The following GRIA2 variants were observed in gnomAD, a reference collection of about 807,000 sequenced individuals.
GRIA2 encodes the protein glutamate ionotropic receptor AMPA type subunit 2.
Under a neutral mutation model 97.3 loss-of-function variants are expected in GRIA2, and 14 were observed. The ratio of observed to expected loss-of-function variants is 0.14; its 90% CI spans 0.10 to 0.23. The LOEUF is 0.23. Among genes scored for constraint, GRIA2 ranks in the 10% least tolerant of loss-of-function variants. The pLI, the probability that GRIA2 is intolerant of heterozygous loss-of-function variation, is 1.00. For synonymous variants in GRIA2, 412 were observed against 387.8 expected, an observed-to-expected ratio of 1.06 and a Z score of -0.73; for missense variants, 558 against 1,069.8, an observed-to-expected ratio of 0.52 and a Z score of 6.67.
chr4:157,316,316 A>T (rs1320882043), intron 4 of GRIA2, among the ~76,000 whole-genome samples: 3 of 152,152 alleles, frequency 2.0e-5, no homozygotes, highest in Admixed American at 2.0e-4. Flanking sequence ...CAATTTAGTC[A>T]TGTTACATAA....
At chr4:157,235,917 A>T (rs2126704561) in intron 2 of GRIA2, among the ~76,000 whole-genome samples, 1 of 152,118 alleles carries the variant, frequency 6.6e-6, no homozygotes, top group Non-Finnish European at 1.5e-5. Flanking sequence ...GTTTTACAAA[A>T]TACTTTAAAA....
At chr4:157,313,587 G>A (rs965120989) in intron 4 of GRIA2, among the ~76,000 whole-genome samples, 1 of 151,960 alleles carries the variant, frequency 6.6e-6, no homozygotes, top group African/African-American at 2.4e-5. Flanking sequence ...TAATAATACA[G>A]GTAAAATCCA....
chr4:157,241,731 A>G (rs1399771883), intron 2 of GRIA2, among the ~76,000 whole-genome samples: 3 of 152,056 alleles, frequency 2.0e-5, no homozygotes, highest in Non-Finnish European at 4.4e-5. Flanking sequence ...GCTTACCCTC[A>G]TATTTGCTTT....
At chr4:157,243,477 A>G (rs139590752) in intron 2 of GRIA2, among the ~76,000 whole-genome samples, 8 of 152,250 alleles carry the variant, frequency 5.3e-5, no homozygotes, top group African/African-American at 1.2e-4. Flanking sequence ...ATTCTCCCCA[A>G]TTCAAATTCA....
intron 12 of GRIA2, among the ~76,000 whole-genome samples, chr4:157,350,248 C>G (rs551555714): frequency 4.6e-5 from 7 of 152,232 alleles, no homozygotes; most frequent in Non-Finnish European, 7.4e-5. Flanking sequence ...TTTCTCATCA[C>G]TAGCCTAAAA....
rs548763403 is a variant in GRIA2 at position 157,285,690 on chromosome 4, A to G, written c.230-17862A>G. Among the ~76,000 whole-genome samples the G allele has an allele frequency of 5.4e-4, 82 of 151,388 alleles. 1 individual carries two copies. Among genetic ancestry groups the G allele is most frequent in the Non-Finnish European group, 6.7e-4 (45 of 67,624 alleles). ...GCTACCTCTATTTCAAACATTTTTT[A>G]TATGTGGATTGGCTTCTACGCTCTG... On this transcript the variant is annotated intron_variant, in intron 2 of 15. Coordinates refer to ENST00000264426, the MANE Select transcript of GRIA2 (RefSeq NM_001083619.3).
At chr4:157,246,166 C>T (rs2126728032) in intron 2 of GRIA2, among the ~76,000 whole-genome samples, 1 of 152,184 alleles carries the variant, frequency 6.6e-6, no homozygotes, top group African/African-American at 2.4e-5. Flanking sequence ...GGATGACATA[C>T]ATTCAATATA....
intron 2 of GRIA2, among the ~76,000 whole-genome samples, chr4:157,224,093 A>C (rs1729635547): frequency 6.6e-6 from 1 of 152,168 alleles, no homozygotes; most frequent in African/African-American, 2.4e-5. Context: ...AAATTACCAC[A>C]CAATTTAATT....
At chr4:157,246,906 T>A (rs1361105779) in intron 2 of GRIA2, among the ~76,000 whole-genome samples, 1 of 152,174 alleles carries the variant, frequency 6.6e-6, no homozygotes, top group Non-Finnish European at 1.5e-5. Context: ...CCATTTTCAC[T>A]TTAGATTTCT....
intron 12 of GRIA2, among the ~76,000 whole-genome samples, chr4:157,354,986 G>A (rs893472676): frequency 6.6e-6 from 1 of 152,146 alleles, no homozygotes; most frequent in African/African-American, 2.4e-5. Flanking sequence ...AGTGGCTCCA[G>A]GGAAGACCCT....
At chr4:157,246,916 T>C (rs1730757531) in intron 2 of GRIA2, among the ~76,000 whole-genome samples, 2 of 152,180 alleles carry the variant, frequency 1.3e-5, no homozygotes, top group Non-Finnish European at 2.9e-5. Context: ...TTTAGATTTC[T>C]ATATTGTTAT....
chr4:157,309,672 T>C (rs1733992900), intron 3 of GRIA2, among the ~76,000 whole-genome samples: 1 of 152,206 alleles, frequency 6.6e-6, no homozygotes, highest in South Asian at 2.1e-4. Flanking sequence ...CTATATTCTT[T>C]TGCAAGGTGA....
intron 2 of GRIA2, among the ~76,000 whole-genome samples, chr4:157,234,826 ATTAC>A (rs1334375884): frequency 3.3e-5 from 5 of 152,126 alleles, no homozygotes; most frequent in Admixed American, 3.3e-4. Flanking sequence ...TTTTCAAATA[ATTAC>A]TTGGTCAGAG....
At chr4:157,247,393 G>C (rs1453198629) in intron 2 of GRIA2, among the ~76,000 whole-genome samples, 1 of 152,082 alleles carries the variant, frequency 6.6e-6, no homozygotes, top group Non-Finnish European at 1.5e-5. Context: ...TGTAAATGTG[G>C]GGGTAGAAAA....
chr4:157,281,967 C>T (rs2126815502), intron 2 of GRIA2, among the ~76,000 whole-genome samples: 1 of 152,248 alleles, frequency 6.6e-6, no homozygotes, highest in East Asian at 1.9e-4. Flanking sequence ...CTCAAAATGT[C>T]CTCAGCCAGA....
At chr4:157,323,819 A>T (rs1199944019) in intron 6 of GRIA2, among the ~76,000 whole-genome samples, 1 of 152,180 alleles carries the variant, frequency 6.6e-6, no homozygotes, top group Non-Finnish European at 1.5e-5. Context: ...CTGAGTTGAG[A>T]ACCTGCATTG....
intron 3 of GRIA2, among the ~76,000 whole-genome samples, chr4:157,307,036 T>C (rs1410680219): frequency 6.6e-6 from 1 of 152,182 alleles, no homozygotes; most frequent in African/African-American, 2.4e-5. Context: ...ACCTCCTTGA[T>C]TATGTGATTA....
chr4:157,230,000 TG>T (rs1729928113), intron 2 of GRIA2, among the ~76,000 whole-genome samples: 1 of 152,152 alleles, frequency 6.6e-6, no homozygotes, highest in Non-Finnish European at 1.5e-5. Context: ...ATTCTATGCT[TG>T]TTAAAGCATA....
chr4:157,315,731 G>A (rs918808700), intron 4 of GRIA2, among the ~76,000 whole-genome samples: 3 of 151,954 alleles, frequency 2.0e-5, no homozygotes, highest in Non-Finnish European at 2.9e-5. Flanking sequence ...AGTAGAGACC[G>A]GGTATCACCA....
Sources: allele counts gnomAD v4.1 joint callset (sites outside exome capture counted in the v4.1 genomes callset), GRCh38; gene constraint gnomAD v4.1.1; transcripts MANE v1.5; gene names NCBI Gene and HGNC (gene_info 2026-07-23, HGNC 2026-07-21).